The following TMEM229B variants were observed in gnomAD, a reference collection of about 807,000 sequenced individuals.
TMEM229B encodes transmembrane protein 229B.
A neutral mutation model predicts 13.7 loss-of-function variants in TMEM229B; 6 were observed. That is an observed-to-expected ratio of 0.44 (90% CI 0.24 to 0.86). TMEM229B has a LOEUF of 0.86. Ranked by LOEUF, TMEM229B falls within the 40% of genes least tolerant of loss-of-function variation. The pLI is 0.23. For synonymous variants in TMEM229B, 107 were observed against 102.1 expected (o/e 1.05, Z -0.29); for missense variants, 170 against 236.0 (o/e 0.72, Z 1.83).
At chr14:67,523,939 A>AGTGACACAAAGAGCATTTCCG (rs1465631481) in intron 1 of TMEM229B, among the ~76,000 whole-genome samples, 5 of 32,618 alleles carry the variant, frequency 1.5e-4, no homozygotes, top group African/African-American at 2.6e-4. Context: ...AGGGAAGAAT[A>AGTGACACAAAGAGCATTTCCG]GTGACACAAA....
intron 2 of TMEM229B, among the ~76,000 whole-genome samples, chr14:67,477,153 C>T (rs367984619): frequency 3.7e-5 from 5 of 136,010 alleles, no homozygotes; most frequent in Admixed American, 7.3e-5. Flanking sequence ...ACAACAAGAG[C>T]GAAACTCCAT....
At chr14:67,525,199 G>A (rs1349077840) in intron 1 of TMEM229B, among the ~76,000 whole-genome samples, 1 of 151,896 alleles carries the variant, frequency 6.6e-6, no homozygotes, top group East Asian at 1.9e-4. Context: ...TAATCTCTGG[G>A]AAAAATAATT....
chr14:67,487,319 C>G (rs987744918), intron 1 of TMEM229B, 147 bp from the exon 2 acceptor site: 1 of 152,528 alleles, frequency 6.6e-6, no homozygotes, highest in African/African-American at 2.4e-5. Context: ...CTACCCCCTC[C>G]TCTTTGCATC....
chr14:67,491,707 G>A (rs1037285865), upstream of TMEM229B, among the ~76,000 whole-genome samples: 3 of 152,176 alleles, frequency 2.0e-5, no homozygotes, highest in East Asian at 1.9e-4. Context: ...TTCTTCTCAC[G>A]TGACTCAGAA....
chr14:67,526,730 G>C (rs1221323091), intron 1 of TMEM229B, among the ~76,000 whole-genome samples: 3 of 152,022 alleles, frequency 2.0e-5, no homozygotes, highest in African/African-American at 2.4e-5. Flanking sequence ...TGGGGCTCAG[G>C]GTCCTTGAAG....
intron 1 of TMEM229B, among the ~76,000 whole-genome samples, chr14:67,502,756 A>G (rs1197130901): frequency 6.6e-6 from 1 of 152,108 alleles, no homozygotes; most frequent in Non-Finnish European, 1.5e-5. Context: ...CGGGCCCCAG[A>G]AGGTGATTTC....
At chr14:67,485,572 GC>G (rs1262065583) in intron 2 of TMEM229B, among the ~76,000 whole-genome samples, 1 of 152,230 alleles carries the variant, frequency 6.6e-6, no homozygotes, top group Non-Finnish European at 1.5e-5. Flanking sequence ...GATTGCAAAA[GC>G]CCAGCTCTGC....
intron 1 of TMEM229B, among the ~76,000 whole-genome samples, chr14:67,532,031 T>C (rs1266493398): frequency 6.6e-6 from 1 of 152,110 alleles, no homozygotes; most frequent in Non-Finnish European, 1.5e-5. Flanking sequence ...AGCCTGAGCA[T>C]TGTCCCACAA....
intron 1 of TMEM229B, among the ~76,000 whole-genome samples, chr14:67,530,556 G>A (rs1182692881): frequency 6.6e-6 from 1 of 152,214 alleles, no homozygotes; most frequent in Non-Finnish European, 1.5e-5. Flanking sequence ...TGGTTAGTTA[G>A]CATCTGAAGT....
At chr14:67,489,989 CAAA>C (rs5809348), upstream of TMEM229B, among the ~76,000 whole-genome samples, 2 of 139,068 alleles carry the variant, frequency 1.4e-5, no homozygotes. Flanking sequence ...GACTCCGTCT[CAAA>C]AAAAAAAAAA....
intron 1 of TMEM229B, among the ~76,000 whole-genome samples, chr14:67,513,634 G>A (rs2033100050): frequency 6.6e-6 from 1 of 152,218 alleles, no homozygotes; most frequent in Non-Finnish European, 1.5e-5. Flanking sequence ...CTAGAGCAAA[G>A]TGTCCTGACA....
At chr14:67,531,186 C>T (rs2033438018) in intron 1 of TMEM229B, among the ~76,000 whole-genome samples, 1 of 152,124 alleles carries the variant, frequency 6.6e-6, no homozygotes. Flanking sequence ...GAGGCTGAGG[C>T]AGAAGGACTG....
intron 1 of TMEM229B, among the ~76,000 whole-genome samples, chr14:67,513,889 A>C (rs563304831): frequency 3.9e-5 from 6 of 152,158 alleles, no homozygotes; most frequent in Non-Finnish European, 8.8e-5. Flanking sequence ...CTGGAGACAT[A>C]AGGCCAAGCA....
Position 67,512,831 on chromosome 14 carries a change from G to GA in TMEM229B, c.-192+2254dup, listed in dbSNP as rs1218894165. Among the ~76,000 whole-genome samples, 4 of 151,816 alleles carry GA rather than the reference G, an allele frequency of 2.6e-5. No homozygotes were observed. The Middle Eastern group carries it at 0.01, about 390-fold the overall frequency. ...TCCAAGCCATCCTGGGAGGTAAGCA[G>GA]AAAAAAAAGCTTGCTGCCTAAGTGC... On this transcript the variant is annotated intron_variant, in intron 1 of 2. Transcript: ENST00000357461.
At chr14:67,489,805 A>G (rs905664310), upstream of TMEM229B, among the ~76,000 whole-genome samples, 2 of 152,214 alleles carry the variant, frequency 1.3e-5, no homozygotes, top group African/African-American at 2.4e-5. Flanking sequence ...CCTGGCTAAC[A>G]TGGTGAAACC....
chr14:67,492,891 G>A (rs1007275981), upstream of TMEM229B, among the ~76,000 whole-genome samples: 1 of 152,232 alleles, frequency 6.6e-6, no homozygotes, highest in Admixed American at 6.5e-5. Context: ...AGGCAGGTGG[G>A]AGATCAGCAA....
chr14:67,493,752 G>A (rs1022106977), intron 1 of TMEM229B, among the ~76,000 whole-genome samples: 1 of 152,094 alleles, frequency 6.6e-6, no homozygotes, highest in Non-Finnish European at 1.5e-5. Flanking sequence ...TGAGATTCTT[G>A]TTGGAATGGC....
chr14:67,525,795 A>G (rs1329730124), intron 1 of TMEM229B, among the ~76,000 whole-genome samples: 1 of 152,222 alleles, frequency 6.6e-6, no homozygotes, highest in Non-Finnish European at 1.5e-5. Context: ...CAAAAGAACC[A>G]TGATCTTCTC....
chr14:67,514,676 C>T (rs1397656144), intron 1 of TMEM229B, among the ~76,000 whole-genome samples: 1 of 152,158 alleles, frequency 6.6e-6, no homozygotes, highest in East Asian at 1.9e-4. Flanking sequence ...CTGTCACCCC[C>T]CTCCACCCTG....
Sources: gnomAD v4.1 joint callset for allele counts (sites outside exome capture counted in the v4.1 genomes callset) on GRCh38, gnomAD v4.1.1 for gene constraint, MANE v1.5 for transcripts, NCBI Gene and HGNC (gene_info 2026-07-23, HGNC 2026-07-21) for gene names.